CCDC93: variants seen among roughly 807,000 people sequenced by gnomAD.
CCDC93 encodes the protein CCC complex scaffolding subunit CCDC93.
CCDC93 carries 61 observed loss-of-function variants against 108.2 expected under a neutral mutation model. The observed-to-expected ratio is 0.56, with a 90% confidence interval of 0.46 to 0.70. CCDC93 has a LOEUF of 0.70. Ranked by LOEUF, CCDC93 falls within the 30% of genes least tolerant of loss-of-function variation. The pLI is 0.00. For missense variants in CCDC93, 685 were observed against 764.2 expected (o/e 0.90, Z 1.22); for synonymous variants, 276 against 260.4 (o/e 1.06, Z -0.58).
At chr2:117,941,132 G>A in intron 19 of CCDC93, 57 bp downstream of exon 19, 1 of 1,245,396 alleles carries the variant, frequency 8.0e-7, no homozygotes, top group Non-Finnish European at 1.2e-6. Flanking sequence ...AAGTGGAACA[G>A]ACCCCTCGCC....
In CCDC93 at chr2:117,995,656, T is replaced by A. The variant is rs542314523; in HGVS notation, c.463-154A>T. 1.8e-3 allele frequency: 1,117 copies of A among 635,218 alleles called. 1 individual carries two copies. Among genetic ancestry groups the A allele is most frequent in the Non-Finnish European group, 2.4e-3 (869 of 358,444 alleles). 39.3% of individuals were successfully genotyped at this position (635,218 alleles called of 1,614,324 possible). On this transcript the variant is annotated intron_variant, in intron 5 of 23. Transcript: ENST00000376300. ...CGAACAAATTGTAATATATTCTCCATGGGAAAAGGCTACAAACCCTGCAGA... is the reference window on the plus strand; with the variant it reads ...CGAACAAATTGTAATATATTCTCCAAGGGAAAAGGCTACAAACCCTGCAGA...
chr2:117,980,612 T>C (rs1013072924), intron 7 of CCDC93, among the ~76,000 whole-genome samples: 1 of 152,200 alleles, frequency 6.6e-6, no homozygotes, highest in African/African-American at 2.4e-5. Flanking sequence ...TTATCCCTCA[T>C]GAGTAATCCG....
intron 3 of CCDC93, among the ~76,000 whole-genome samples, chr2:118,001,739 C>T (rs1272449869): frequency 6.6e-6 from 1 of 151,948 alleles, no homozygotes; most frequent in African/African-American, 2.4e-5. Context: ...TTTCTCAGCT[C>T]AGCCTGAGCT....
At chr2:117,975,095 G>A in intron 9 of CCDC93, 93 bp downstream of exon 9, 5 of 1,167,968 alleles carry the variant, frequency 4.3e-6, no homozygotes, top group South Asian at 1.3e-5. Flanking sequence ...GCTGTGGGAG[G>A]TGGTGGCCAT....
At chr2:118,006,948 G>C (rs1333120651) in intron 2 of CCDC93, 132 bp from the exon 3 acceptor site, 7 of 629,886 alleles carry the variant, frequency 1.1e-5, no homozygotes, top group Non-Finnish European at 2.0e-5. Context: ...TTGAGAGAGA[G>C]AGTGTGTGTC....
intron 11 of CCDC93, among the ~76,000 whole-genome samples, chr2:117,973,035 G>A (rs992868402): frequency 2.0e-5 from 3 of 152,146 alleles, no homozygotes; most frequent in Middle Eastern, 3.2e-3. Context: ...GGTTCCCACG[G>A]ATGGCAGCAC....
At chr2:117,964,112 C>G (rs1189100612) in intron 11 of CCDC93, among the ~76,000 whole-genome samples, 1 of 152,164 alleles carries the variant, frequency 6.6e-6, no homozygotes, top group Non-Finnish European at 1.5e-5. Flanking sequence ...GTTCCTTACT[C>G]TCTTAACTCT....
chr2:117,966,682 T>A (rs575355987), intron 11 of CCDC93, among the ~76,000 whole-genome samples: 1 of 152,352 alleles, frequency 6.6e-6, no homozygotes, highest in South Asian at 2.1e-4. Context: ...AGAGACACTT[T>A]CCTTTGTGTT....
At chr2:117,951,386 A>C (rs539342872) in intron 13 of CCDC93, 1 of 985,452 alleles carries the variant, frequency 1.0e-6, no homozygotes, top group Non-Finnish European at 1.2e-6. Context: ...TGCCCTTTTG[A>C]AATATTCTGA....
intron 23 of CCDC93, 97 bp from the exon 24 acceptor site, chr2:117,920,493 A>AAG: frequency 1.0e-5 from 8 of 774,194 alleles, no homozygotes; most frequent in Non-Finnish European, 1.7e-5. Flanking sequence ...TCCCTATGGG[A>AAG]GACATCTCCT....
At chr2:117,958,293 C>G (rs991692279) in intron 12 of CCDC93, 72 bp downstream of exon 12, 1 of 967,386 alleles carries the variant, frequency 1.0e-6, no homozygotes, top group African/African-American at 1.6e-5. Flanking sequence ...TATGCCAACC[C>G]CCGTTCTGGA....
chr2:117,942,071 C>T lies in CCDC93; in HGVS notation c.1414-774G>A, dbSNP rs1210571371. On this transcript the variant is annotated intron_variant, in intron 18 of 23. Transcript: ENST00000376300. ...GAAATAGGAGCCTCCTGGTGGGAAA[C>T]CCACATTCAGCTCTGGTGACCTAAT... is the stretch of plus-strand genomic sequence containing the variant. Among the ~76,000 whole-genome samples, 3 of 152,222 alleles carry T rather than the reference C, an allele frequency of 2.0e-5. No individual in the cohort carries two copies. In the East Asian group the frequency reaches 5.8e-4, roughly 29 times the overall value.
At chr2:117,995,684 G>C (rs1461048692) in intron 5 of CCDC93, 182 bp from the exon 6 acceptor site, 1 of 586,590 alleles carries the variant, frequency 1.7e-6, no homozygotes, top group East Asian at 2.9e-5. Context: ...CCTGCAGATG[G>C]CTCCAACATA....
intron 6 of CCDC93, among the ~76,000 whole-genome samples, chr2:117,995,028 G>A (rs943723059): frequency 1.3e-5 from 2 of 152,134 alleles, no homozygotes; most frequent in South Asian, 2.1e-4. Context: ...GGGGACAAAC[G>A]CCATCCCAGA....
chr2:117,926,212 G>C (rs1678087822), intron 23 of CCDC93, among the ~76,000 whole-genome samples: 1 of 152,100 alleles, frequency 6.6e-6, no homozygotes, highest in Non-Finnish European at 1.5e-5. Flanking sequence ...AAAAGAACTA[G>C]AGAAGCAAGA....
chr2:117,953,835 AGT>A (rs1679136407), intron 12 of CCDC93, among the ~76,000 whole-genome samples: 1 of 151,980 alleles, frequency 6.6e-6, no homozygotes, highest in African/African-American at 2.4e-5. Flanking sequence ...CTGAGGCTGC[AGT>A]GAGTTATGAT....
chr2:117,980,794 A>C (rs1412474724), intron 7 of CCDC93, among the ~76,000 whole-genome samples: 6 of 152,250 alleles, frequency 3.9e-5, no homozygotes, highest in Admixed American at 6.5e-5. Context: ...TATTATCGAA[A>C]TCAAGAAAAG....
chr2:118,013,304 C>T (rs1460843904), intron 1 of CCDC93, among the ~76,000 whole-genome samples: 1 of 152,382 alleles, frequency 6.6e-6, no homozygotes, highest in East Asian at 1.9e-4. Context: ...CCGCCCAGAG[C>T]CGGGTCCCCC....
intron 11 of CCDC93, among the ~76,000 whole-genome samples, chr2:117,961,705 A>G (rs1202658715): frequency 6.6e-6 from 1 of 152,246 alleles, no homozygotes; most frequent in Admixed American, 6.5e-5. Context: ...TACGATGAGA[A>G]AGAAAACTAG....
Sources: allele counts gnomAD v4.1 joint callset (sites outside exome capture counted in the v4.1 genomes callset), GRCh38; gene constraint gnomAD v4.1.1; transcripts MANE v1.5; gene names NCBI Gene and HGNC (gene_info 2026-07-23, HGNC 2026-07-21).